Variants in LRMDA observed in about 807,000 individuals in gnomAD.
LRMDA encodes the protein leucine-rich melanocyte differentiation-associated protein.
Under a neutral mutation model 29.8 loss-of-function variants are expected in LRMDA, and 18 were observed. The observed-to-expected ratio is 0.60, with a 90% CI of 0.42 to 0.90. The LOEUF (loss-of-function observed/expected upper bound fraction) is 0.90. Among genes scored for constraint, LRMDA ranks in the 40% least tolerant of loss-of-function variants. LRMDA has a pLI of 0.00. For missense variants in LRMDA, 273 were observed against 273.9 expected (o/e 1.00, Z 0.02); for synonymous variants, 125 against 109.4 (o/e 1.14, Z -0.89).
chr10:75,741,961 C>A (rs1270888868), intron 2 of LRMDA, among the ~76,000 whole-genome samples: 1 of 152,120 alleles, frequency 6.6e-6, no homozygotes, highest in Admixed American at 6.5e-5. Flanking sequence ...GCTGTGAGGA[C>A]AGAATGCAAA....
At chr10:75,685,007 G>A (rs1332190874) in intron 2 of LRMDA, among the ~76,000 whole-genome samples, 1 of 152,180 alleles carries the variant, frequency 6.6e-6, no homozygotes, top group African/African-American at 2.4e-5. Flanking sequence ...CCAAACAGGG[G>A]CAATGATTTC....
intron 5 of LRMDA, among the ~76,000 whole-genome samples, chr10:76,083,553 G>A (rs1849081459): frequency 6.6e-6 from 1 of 152,214 alleles, no homozygotes; most frequent in African/African-American, 2.4e-5. Flanking sequence ...TCATGGCTTG[G>A]CACAGTGGCT....
At chr10:75,762,907 C>T (rs944149330) in intron 2 of LRMDA, among the ~76,000 whole-genome samples, 1 of 152,252 alleles carries the variant, frequency 6.6e-6, no homozygotes, top group Admixed American at 6.5e-5. Flanking sequence ...GCCAGTGGGG[C>T]ACCATTTTAT....
intron 2 of LRMDA, among the ~76,000 whole-genome samples, chr10:75,496,652 G>A (rs1280786410): frequency 7.9e-5 from 12 of 152,068 alleles, no homozygotes; most frequent in African/African-American, 9.7e-5. Context: ...ATGAGAAGGC[G>A]CTTTTACAAC....
chr10:75,527,150 T>C, intron 2 of LRMDA, among the ~76,000 whole-genome samples: 1 of 152,212 alleles, frequency 6.6e-6, no homozygotes, highest in East Asian at 1.9e-4. Context: ...TGTGTCTGGC[T>C]TCTTTCACTC....
intron 2 of LRMDA, among the ~76,000 whole-genome samples, chr10:75,917,275 G>A (rs983911592): frequency 3.3e-5 from 5 of 152,304 alleles, no homozygotes; most frequent in African/African-American, 1.2e-4. Flanking sequence ...GGTGACAGAG[G>A]CAGCTCCAGT....
At chr10:76,318,748 A>G (rs1840731679) in intron 5 of LRMDA, 1 of 152,274 alleles carries the variant, frequency 6.6e-6, no homozygotes, top group Non-Finnish European at 1.5e-5. Flanking sequence ...GCTTTACTGA[A>G]AGGCATGGCA....
chr10:76,128,729 G>C (rs539303187), intron 5 of LRMDA, among the ~76,000 whole-genome samples: 1 of 152,306 alleles, frequency 6.6e-6, no homozygotes, highest in South Asian at 2.1e-4. Context: ...CCTGGGCATA[G>C]CATGCCCTAG....
intron 2 of LRMDA, among the ~76,000 whole-genome samples, chr10:75,770,860 T>C (rs182994473): frequency 6.6e-6 from 1 of 152,122 alleles, no homozygotes; most frequent in East Asian, 1.9e-4. Context: ...AGAAAGTGAG[T>C]TCTATGGAGT....
At chr10:76,169,071 G>A (rs1264862032) in intron 5 of LRMDA, among the ~76,000 whole-genome samples, 1 of 152,188 alleles carries the variant, frequency 6.6e-6, no homozygotes, top group African/African-American at 2.4e-5. Flanking sequence ...TAAGAACTAT[G>A]AAAATCAGTC....
Position 76,047,152 on chromosome 10 carries a change from A to T in LRMDA, c.259-12A>T. 6.2e-7 allele frequency: 1 copy of T among 1,613,806 alleles called. No homozygotes were observed. The highest frequency in any genetic ancestry group is 1.1e-5 in the South Asian group (1 of 91,024). On this transcript the variant is annotated splice_polypyrimidine_tract_variant and intron_variant, in intron 3 of 6. Transcript: ENST00000611255. The stretch of plus-strand genomic sequence containing the variant: ...TTTGTCTTACTGGACCAAGATTCTT[A>T]ACCTTTGTCACATCACTGATTTGGA...
chr10:76,397,060 C>G (rs1012911838), intron 6 of LRMDA, among the ~76,000 whole-genome samples: 1 of 152,184 alleles, frequency 6.6e-6, no homozygotes, highest in Non-Finnish European at 1.5e-5. Context: ...CGTCCCCTCC[C>G]TTGCTGGTTT....
chr10:76,080,659 TA>T (rs911175214), intron 5 of LRMDA, among the ~76,000 whole-genome samples: 1 of 152,232 alleles, frequency 6.6e-6, no homozygotes, highest in Non-Finnish European at 1.5e-5. Flanking sequence ...TCATGTTTTT[TA>T]TATAAATCAT....
intron 6 of LRMDA, 50 bp from the exon 7 acceptor site, chr10:76,557,159 T>C: frequency 6.9e-7 from 1 of 1,451,066 alleles, no homozygotes; most frequent in Non-Finnish European, 9.7e-7. Flanking sequence ...TGTGTTTCCC[T>C]GCTATGCTAA....
intron 2 of LRMDA, among the ~76,000 whole-genome samples, chr10:75,637,397 CAG>C (rs920729243): frequency 2.6e-5 from 4 of 151,952 alleles, no homozygotes; most frequent in African/African-American, 9.7e-5. Context: ...GAGGCAGAGA[CAG>C]AGAGGGGGAG....
chr10:76,191,163 T>A (rs975496741), intron 5 of LRMDA, among the ~76,000 whole-genome samples: 1 of 152,210 alleles, frequency 6.6e-6, no homozygotes, highest in Admixed American at 6.5e-5. Flanking sequence ...TGTTAAATGA[T>A]TGATTGACTG....
chr10:76,421,910 T>C (rs1228959661), intron 6 of LRMDA, among the ~76,000 whole-genome samples: 3 of 152,196 alleles, frequency 2.0e-5, no homozygotes, highest in Non-Finnish European at 2.9e-5. Flanking sequence ...CTCTGAATAA[T>C]GTTATATTCC....
At chr10:75,917,961 G>A (rs993022566) in intron 2 of LRMDA, among the ~76,000 whole-genome samples, 25 of 150,034 alleles carry the variant, frequency 1.7e-4, no homozygotes, top group African/African-American at 4.1e-4. Context: ...GCACATGTGC[G>A]CACACACACA....
chr10:75,597,091 TTTTG>T (rs906843154), intron 2 of LRMDA, among the ~76,000 whole-genome samples: 6 of 151,978 alleles, frequency 3.9e-5, no homozygotes, highest in Admixed American at 6.6e-5. Flanking sequence ...GCTAGAGAGT[TTTTG>T]TTTGTTTGTT....
Sources: gnomAD v4.1 joint callset for allele counts (sites outside exome capture counted in the v4.1 genomes callset) on GRCh38, gnomAD v4.1.1 for gene constraint, MANE v1.5 for transcripts, NCBI Gene and HGNC (gene_info 2026-07-23, HGNC 2026-07-21) for gene names.